The following SYNE2 variants were observed in gnomAD, a reference collection of about 807,000 sequenced individuals.
SYNE2 encodes the protein spectrin repeat containing nuclear envelope protein 2, also known as nesprin-2.
A neutral mutation model predicts 856.3 loss-of-function variants in SYNE2; 431 were observed. That is an observed-to-expected ratio of 0.50 (90% CI 0.47 to 0.55). The LOEUF is 0.55. Ranked by LOEUF, SYNE2 falls within the 20% of genes least tolerant of loss-of-function variation. The pLI is 0.00. For synonymous variants in SYNE2, 2,923 were observed against 2,872.3 expected, an observed-to-expected ratio of 1.02 and a Z score of -0.56; for missense variants, 8,129 against 8,023.2, an observed-to-expected ratio of 1.01 and a Z score of -0.50.
chr14:64,016,484 C>A lies in SYNE2; in HGVS notation c.4740C>A (p.Val1580=). 1.3e-6 allele frequency: 2 copies of A among 1,585,828 alleles called. No individual in the cohort carries two copies. Among genetic ancestry groups the A allele is most frequent in the South Asian group, 2.3e-5 (2 of 86,482 alleles). ...TATCTTTTTTACAGATTGAAATTGT[C>A]AAAGAAGAATTTAATGAGCATTTAG... ...LKKRIAEIEI[V]KEEFNEHLEV... The change falls in exon 33 of 116, where the codon GTC becomes GTA. Residue 1580 remains valine, a synonymous_variant. Transcript: ENST00000555002.
intron 24 of SYNE2, 37 bp downstream of exon 24, chr14:63,997,195 A>G (rs1211923972): frequency 6.2e-7 from 1 of 1,603,100 alleles, no homozygotes; most frequent in Non-Finnish European, 8.5e-7. Context: ...CTTCAGGATA[A>G]AACGAAGCCT....
At chr14:63,830,553 C>T (rs1310110016) in intron 1 of SYNE2, among the ~76,000 whole-genome samples, 4 of 151,486 alleles carry the variant, frequency 2.6e-5, no homozygotes, top group Non-Finnish European at 5.9e-5. Context: ...CCCAGCTACT[C>T]GTGAGGCTGA....
chr14:64,080,747 G>A (rs181494276), intron 56 of SYNE2, 109 bp downstream of exon 56: 29 of 1,405,118 alleles, frequency 2.1e-5, no homozygotes, highest in Non-Finnish European at 2.8e-5. Flanking sequence ...TATCAGTTTT[G>A]GACTTGAAGC....
Position 63,919,569 on chromosome 14 carries a change from C to T in SYNE2, c.79+10342C>T, listed in dbSNP as rs77759529. The stretch of plus-strand genomic sequence containing the variant: ...TCACCTTTGGAGCGTGTAGCAAGAG[C>T]AGACCTTTGGGTCTTTCCGTGTTTA... On this transcript the variant is annotated intron_variant, in intron 2 of 115. Transcript: ENST00000555002. Among the ~76,000 whole-genome samples the T allele has an allele frequency of 6.2e-3, 945 of 152,160 alleles. 15 individuals carry two copies. The highest frequency in any genetic ancestry group is 0.022 in the African/African-American group (916 of 41,488).
chr14:64,157,916 T>C (rs2098298618), intron 85 of SYNE2, among the ~76,000 whole-genome samples: 2 of 152,378 alleles, frequency 1.3e-5, no homozygotes, highest in South Asian at 2.1e-4. Context: ...GCCCAGTTTT[T>C]AGTTAGTTTA....
chr14:63,995,018 AT>A, intron 22 of SYNE2, 25 bp from the exon 23 acceptor site: 1 of 1,425,054 alleles, frequency 7.0e-7, no homozygotes, highest in Non-Finnish European at 9.7e-7. Context: ...CTCATGGTTA[AT>A]ATATTCCTTT....
At chr14:63,977,077 A>G (rs2096549447) in intron 12 of SYNE2, among the ~76,000 whole-genome samples, 1 of 152,152 alleles carries the variant, frequency 6.6e-6, no homozygotes, top group African/African-American at 2.4e-5. Flanking sequence ...GCATGAAAAA[A>G]ATTATGTGAG....
chr14:64,116,880 A>G (rs942078119), intron 66 of SYNE2, among the ~76,000 whole-genome samples: 2 of 152,256 alleles, frequency 1.3e-5, no homozygotes, highest in Non-Finnish European at 2.9e-5. Flanking sequence ...AATGAAAATC[A>G]TGAAACGTGT....
intron 7 of SYNE2, among the ~76,000 whole-genome samples, chr14:63,953,291 C>A (rs2096192825): frequency 6.6e-6 from 1 of 152,286 alleles, no homozygotes; most frequent in South Asian, 2.1e-4. Flanking sequence ...TTTAAGCTGA[C>A]TCCTCAAGTG....
At chr14:64,194,826 G>A (rs867831221) in intron 99 of SYNE2, among the ~76,000 whole-genome samples, 3 of 152,176 alleles carry the variant, frequency 2.0e-5, no homozygotes, top group Admixed American at 6.5e-5. Context: ...CTGAAAAGAC[G>A]GTCCTTGGAT....
chr14:63,986,358 C>T (rs944956991), intron 18 of SYNE2, 98 bp from the exon 19 acceptor site: 33 of 1,341,934 alleles, frequency 2.5e-5, no homozygotes. Context: ...CCCTGGCCTC[C>T]TAAAGAGCTG....
chr14:64,037,224 G>A (rs1323415311), intron 45 of SYNE2, among the ~76,000 whole-genome samples: 1 of 151,830 alleles, frequency 6.6e-6, no homozygotes, highest in Non-Finnish European at 1.5e-5. Context: ...GGGAAGGTCA[G>A]CAGATAAACA....
At chr14:64,190,737 G>C in intron 99 of SYNE2, 1 of 662,074 alleles carries the variant, frequency 1.5e-6, no homozygotes, top group Non-Finnish European at 2.7e-6. Flanking sequence ...GTCTCCCATG[G>C]GTGTCTTGTC....
In SYNE2 at chr14:63,986,616, A is replaced by G. The variant is rs1370708644; in HGVS notation, c.2312A>G (p.Lys771Arg). 6.2e-7 allele frequency: 1 copy of G among 1,614,026 alleles called. No homozygotes were observed. Among genetic ancestry groups the G allele is most frequent in the South Asian group, 1.1e-5 (1 of 91,080 alleles). The change falls in exon 19 of 116, where the codon AAG becomes AGG. Residue 771 changes from lysine to arginine, a missense_variant and splice_region_variant. This residue lies in a region of SYNE2 where 2,422 missense variants were observed against 2,357.4 expected (regional missense o/e 1.03). Coordinates refer to ENST00000555002, the MANE Select transcript of SYNE2 (RefSeq NM_182914.3). ...DVDTSMEESL[K>R]HLIAKGSMFD... Reference sequence around the variant, plus strand: ...GACACCTCAATGGAAGAATCTTTGAAGGTATGTGTGTAAAAGTATTAAGAG... The same window carrying G: ...GACACCTCAATGGAAGAATCTTTGAGGGTATGTGTGTAAAAGTATTAAGAG...
At chr14:64,189,964 A>T (rs1324757937) in intron 98 of SYNE2, 107 bp from the exon 99 acceptor site, 50 of 1,177,412 alleles carry the variant, frequency 4.2e-5, no homozygotes, top group East Asian at 5.4e-5. Flanking sequence ...TGCCTGGCCA[A>T]TTTTTTTTTT....
rs368055590 is a variant in SYNE2, at chr14:63,982,296, A to T, written c.1837-334A>T. Among the ~76,000 whole-genome samples the T allele has an allele frequency of 1.1e-4, 17 of 152,302 alleles. 1 individual carries two copies. In the South Asian group the frequency reaches 3.5e-3, roughly 32 times the overall value. On this transcript the variant is annotated intron_variant, in intron 16 of 115. Transcript: ENST00000555002. ...CATCAGCCATGTAGAAAGAGATAAG[A>T]TGCATCATAAAAGTTCAGGACCAGG... is the stretch of plus-strand genomic sequence containing the variant.
At chr14:64,023,721 ATAAGT>A (rs2096955604) in intron 38 of SYNE2, 1 of 184,802 alleles carries the variant, frequency 5.4e-6, no homozygotes, top group Non-Finnish European at 1.1e-5. Flanking sequence ...TGTTTTGATG[ATAAGT>A]TATGTTTTTA....
At chr14:63,780,648 A>C (rs1377407318) in intron 1 of SYNE2, among the ~76,000 whole-genome samples, 1 of 152,214 alleles carries the variant, frequency 6.6e-6, no homozygotes, top group Non-Finnish European at 1.5e-5. Flanking sequence ...TGTTAAGAAC[A>C]AGTCTGGCTC....
intron 45 of SYNE2, among the ~76,000 whole-genome samples, chr14:64,037,793 G>A (rs1449765788): frequency 7.0e-6 from 1 of 142,790 alleles, no homozygotes; most frequent in Non-Finnish European, 1.6e-5. Context: ...GGGGCGGCCG[G>A]GCAGAGGCGC....
Sources: gnomAD v4.1 joint callset for allele counts (sites outside exome capture counted in the v4.1 genomes callset) on GRCh38, gnomAD v4.1.1 for gene constraint, gnomAD v4.1.1 regional missense constraint, MANE v1.5 for transcripts, NCBI Gene and HGNC (gene_info 2026-07-23, HGNC 2026-07-21) for gene names.